Variants in ATAD3B observed in about 807,000 individuals in gnomAD.
ATAD3B encodes ATPase family AAA domain containing 3B, also known as ATPase family AAA domain-containing protein 3B.
ATAD3B carries 59 observed loss-of-function variants against 70.2 expected under a neutral mutation model. That is an observed-to-expected ratio of 0.84 (90% confidence interval 0.68 to 1.04). The LOEUF is 1.04. Ranked by LOEUF, ATAD3B falls within the 50% of genes least tolerant of loss-of-function variation. The pLI is 0.00. For missense variants in ATAD3B, 961 were observed against 913.4 expected, an observed-to-expected ratio of 1.05 and a Z score of -0.67; for synonymous variants, 423 against 388.6, an observed-to-expected ratio of 1.09 and a Z score of -1.04.
intron 7 of ATAD3B, 67 bp downstream of exon 7, chr1:1,482,681 C>G: frequency 6.2e-7 from 1 of 1,609,868 alleles, no homozygotes; most frequent in Non-Finnish European, 8.5e-7. Context: ...CTCCTGGAGC[C>G]CCAGGTCCTG....
At chr1:1,475,197 C>T (rs2100520349) in intron 1 of ATAD3B, among the ~76,000 whole-genome samples, 1 of 150,028 alleles carries the variant, frequency 6.7e-6, no homozygotes, top group East Asian at 1.9e-4. Flanking sequence ...GGGCCCGGGG[C>T]AGGGTCTCCA....
chr1:1,495,449 A>T, intron 15 of ATAD3B, 36 bp from the exon 16 acceptor site: 1 of 1,563,808 alleles, frequency 6.4e-7, no homozygotes, highest in East Asian at 2.3e-5. Context: ...GCGGGTTCCC[A>T]TAGCGGCCTC....
chr1:1,489,171 C>T, intron 12 of ATAD3B, 33 bp from the exon 13 acceptor site: 2 of 1,612,792 alleles, frequency 1.2e-6, no homozygotes, highest in African/African-American at 1.3e-5. Context: ...GGCTTTGCTT[C>T]TGGTGCCTAA....
At chr1:1,504,466 C>T in the ATAD3B span, among the ~76,000 whole-genome samples, 2 of 151,946 alleles carry the variant, frequency 1.3e-5, no homozygotes, top group African/African-American at 2.4e-5. Context: ...CCTGACCCAA[C>T]ATGGAGAAAC....
rs1640782981 is a variant in ATAD3B at position 1,496,123 on chromosome 1, G to A, written c.*306G>A. ...ACGGAACCCGGCAGGGGTGTCTGAG[G>A]CCGCCCTGTCAGCTGGCCGGTCCAA... is the stretch of plus-strand genomic sequence containing the variant. On this transcript the variant is annotated 3_prime_UTR_variant, in exon 16 of 16. Coordinates refer to ENST00000673477, the MANE Select transcript of ATAD3B (RefSeq NM_031921.6). 1.8e-6 allele frequency: 2 copies of A among 1,141,604 alleles called. No homozygotes were observed. Among genetic ancestry groups the A allele is most frequent in the Non-Finnish European group, 2.2e-6 (2 of 927,946 alleles). 70.7% of individuals were successfully genotyped at this position (1,141,604 alleles called of 1,614,324 possible). A position where few individuals can be genotyped will look rare whatever the true frequency, so the allele number is the denominator to read the frequency against.
At chr1:1,504,345 T>C in the ATAD3B span, among the ~76,000 whole-genome samples, 15 of 152,072 alleles carry the variant, frequency 9.9e-5, no homozygotes, top group African/African-American at 3.6e-4. Context: ...GTGGGCATTG[T>C]AGCTTAAAAA....
intron 11 of ATAD3B, among the ~76,000 whole-genome samples, chr1:1,487,639 C>CG (rs1491319504): frequency 1.3e-5 from 2 of 151,922 alleles, no homozygotes; most frequent in African/African-American, 4.8e-5. Flanking sequence ...CTGTTGCCCC[C>CG]TGTGTAGTTG....
At chr1:1,487,949 G>A (rs1640321351) in intron 12 of ATAD3B, 35 bp downstream of exon 12, 7 of 1,610,944 alleles carry the variant, frequency 4.3e-6, no homozygotes, top group Non-Finnish European at 5.9e-6. Context: ...GGCCACAGGA[G>A]GGTGGTCGGG....
intron 9 of ATAD3B, 119 bp downstream of exon 9, chr1:1,485,957 A>C: frequency 1.3e-6 from 2 of 1,592,870 alleles, no homozygotes; most frequent in Non-Finnish European, 1.7e-6. Flanking sequence ...CTGAGATGCA[A>C]CTGCTTGGAC....
At chr1:1,478,477 C>T (rs1465306182) in intron 2 of ATAD3B, 167 bp from the exon 3 acceptor site, 2 of 1,547,506 alleles carry the variant, frequency 1.3e-6, no homozygotes, top group South Asian at 1.2e-5. Flanking sequence ...CTGGATTCCT[C>T]CAGGGCCTGA....
intron 11 of ATAD3B, among the ~76,000 whole-genome samples, chr1:1,487,498 A>C (rs1230394263): frequency 6.6e-6 from 1 of 151,618 alleles, no homozygotes; most frequent in Admixed American, 6.6e-5. Flanking sequence ...AAAAAAAAAA[A>C]AAAAGACCCT....
chr1:1,504,416 G>A, the ATAD3B span, among the ~76,000 whole-genome samples: 13 of 151,916 alleles, frequency 8.6e-5, no homozygotes, highest in African/African-American at 1.7e-4. Flanking sequence ...TTGGGAGGCC[G>A]AGGTGGGCGA....
intron 2 of ATAD3B, chr1:1,478,338 A>T: frequency 7.9e-7 from 1 of 1,271,670 alleles, no homozygotes; most frequent in Non-Finnish European, 1.1e-6. Flanking sequence ...CTCTGCCCTC[A>T]TCACAGTCCA....
In ATAD3B at chr1:1,484,976, C is replaced by T. The variant is rs577816658; in HGVS notation, c.751-40C>T. 2.1e-5 allele frequency: 33 copies of T among 1,578,974 alleles called. 1 individual carries two copies. Among genetic ancestry groups the T allele is most frequent in the East Asian group, 1.6e-4 (7 of 43,314 alleles). On this transcript the variant is annotated intron_variant, in intron 7 of 15. Coordinates refer to ENST00000673477, the MANE Select transcript of ATAD3B (RefSeq NM_031921.6). The stretch of plus-strand genomic sequence containing the variant: ...CGTCTCCTGCTCTAGGAGGGAGGGA[C>T]GGTGGGGGCCGGTGCGCCAGTGCGG...
chr1:1,480,835 G>A, intron 4 of ATAD3B, 32 bp from the exon 5 acceptor site: 8 of 1,594,072 alleles, frequency 5.0e-6, no homozygotes, highest in Non-Finnish European at 6.8e-6. Context: ...TGGTTTTAAA[G>A]GCTTTTCTCT....
At chr1:1,501,502 GC>G (rs1373684335), downstream of ATAD3B, among the ~76,000 whole-genome samples, 2 of 152,030 alleles carry the variant, frequency 1.3e-5, no homozygotes, top group Non-Finnish European at 2.9e-5. Flanking sequence ...TGATCCGCCC[GC>G]CTCGGCCTCC....
At chr1:1,484,862 T>C (rs552890232) in intron 7 of ATAD3B, 154 bp from the exon 8 acceptor site, 57 of 1,420,706 alleles carry the variant, frequency 4.0e-5, no homozygotes, top group Non-Finnish European at 4.6e-5. Flanking sequence ...GGCTGTGGGA[T>C]TCGGGGCTGG....
chr1:1,504,754 G>A, the ATAD3B span, among the ~76,000 whole-genome samples: 1 of 152,196 alleles, frequency 6.6e-6, no homozygotes, highest in African/African-American at 2.4e-5. Context: ...CAGGCCCAAG[G>A]TCAGGGTGCC....
At chr1:1,473,243 C>T (rs968862430) in intron 1 of ATAD3B, among the ~76,000 whole-genome samples, 2 of 145,764 alleles carry the variant, frequency 1.4e-5, no homozygotes, top group African/African-American at 5.1e-5. Context: ...GTGTTCACAC[C>T]ATTCTCCTGC....
Sources: allele counts gnomAD v4.1 joint callset (sites outside exome capture counted in the v4.1 genomes callset), GRCh38; gene constraint gnomAD v4.1.1; transcripts MANE v1.5; gene names NCBI Gene and HGNC (gene_info 2026-07-23, HGNC 2026-07-21).